Variants in AK8 observed in about 807,000 individuals in gnomAD.
AK8 encodes ATP-AMP transphosphorylase 8.
AK8 carries 44 observed loss-of-function variants against 54.6 expected under a neutral mutation model. The ratio of observed to expected loss-of-function variants is 0.81; its 90% CI spans 0.63 to 1.04. AK8 has a LOEUF of 1.04. Ranked by LOEUF, AK8 falls within the 50% of genes least tolerant of loss-of-function variation. AK8 has a pLI of 0.00. For missense variants in AK8, 555 were observed against 613.6 expected (o/e 0.90, Z 1.01); for synonymous variants, 239 against 245.6 (o/e 0.97, Z 0.25).
intron 10 of AK8, among the ~76,000 whole-genome samples, chr9:132,802,151 G>A (rs1240032321): frequency 6.6e-6 from 1 of 152,250 alleles, no homozygotes; most frequent in African/African-American, 2.4e-5. Flanking sequence ...GGCACCCGAT[G>A]TCGCCTGGGG....
intron 5 of AK8, among the ~76,000 whole-genome samples, chr9:132,850,115 G>T (rs1264188673): frequency 7.0e-6 from 1 of 143,366 alleles, no homozygotes; most frequent in African/African-American, 2.6e-5. Flanking sequence ...GTGCAGTGGC[G>T]TGATGTCGGC....
At position 132,800,000 on chromosome 9, in the gene AK8, G is replaced by A. The variant is rs936163651; in HGVS notation, c.980-7225C>T. On this transcript the variant is annotated intron_variant, in intron 10 of 12. Transcript: ENST00000298545. This position sits in a 1 kb window ranked among gnomAD's most constrained non-coding sequence, Gnocchi z 5.0. ...AACAGGACTGTGGAGGAGGAAAAGG[G>A]GTTGCTTTTGGTTTTGTTTTTTAAT... Among the ~76,000 whole-genome samples the A allele has an allele frequency of 2.0e-5, 3 of 152,194 alleles. No individual in the cohort carries two copies. Among genetic ancestry groups the A allele is most frequent in the Admixed American group, 1.3e-4 (2 of 15,288 alleles).
chr9:132,752,462 G>A (rs1837979831), intron 11 of AK8, among the ~76,000 whole-genome samples: 1 of 151,996 alleles, frequency 6.6e-6, no homozygotes, highest in Admixed American at 6.6e-5. Context: ...TGTTAGCCAG[G>A]ATGGTCTCGA....
intron 11 of AK8, among the ~76,000 whole-genome samples, chr9:132,750,048 T>C (rs1382004441): frequency 6.6e-6 from 1 of 152,002 alleles, no homozygotes; most frequent in Non-Finnish European, 1.5e-5. Context: ...CTGCCATGTG[T>C]ACGCATCTTG....
chr9:132,762,998 G>C (rs1177372375), intron 11 of AK8, among the ~76,000 whole-genome samples: 1 of 152,218 alleles, frequency 6.6e-6, no homozygotes, highest in Non-Finnish European at 1.5e-5. Flanking sequence ...GTAGAAAAGA[G>C]GATTCCAGCA....
intron 11 of AK8, among the ~76,000 whole-genome samples, chr9:132,763,251 G>T (rs930921023): frequency 2.6e-5 from 4 of 152,196 alleles, no homozygotes; most frequent in Admixed American, 1.3e-4. Context: ...ATCATATCAA[G>T]TACCTTTTGT....
At chr9:132,796,479 A>G (rs1266759949) in intron 10 of AK8, among the ~76,000 whole-genome samples, 1 of 152,234 alleles carries the variant, frequency 6.6e-6, no homozygotes, top group Non-Finnish European at 1.5e-5. Context: ...AGATGTGTAT[A>G]CAAAGATGTC....
chr9:132,868,588 G>C (rs1843689371), intron 2 of AK8, among the ~76,000 whole-genome samples: 1 of 152,156 alleles, frequency 6.6e-6, no homozygotes, highest in East Asian at 1.9e-4. Context: ...GGCTGCCACA[G>C]TCTTCCACGT....
chr9:132,850,694 G>A (rs565882082), intron 5 of AK8, among the ~76,000 whole-genome samples: 10 of 151,808 alleles, frequency 6.6e-5, no homozygotes, highest in Non-Finnish European at 1.0e-4. Flanking sequence ...CACCACGCCC[G>A]GCCAATTTTT....
At chr9:132,818,912 C>T (rs1310377106) in intron 9 of AK8, among the ~76,000 whole-genome samples, 1 of 151,056 alleles carries the variant, frequency 6.6e-6, no homozygotes, top group East Asian at 1.9e-4. Context: ...GACTATAAGA[C>T]ACAGATAGTT....
chr9:132,762,505 A>G (rs760888150), intron 11 of AK8, among the ~76,000 whole-genome samples: 1 of 152,218 alleles, frequency 6.6e-6, no homozygotes, highest in Non-Finnish European at 1.5e-5. Context: ...TCTCCCTTCC[A>G]CAAAGACGGC....
chr9:132,802,199 C>T (rs1357036673), intron 10 of AK8, among the ~76,000 whole-genome samples: 3 of 152,226 alleles, frequency 2.0e-5, no homozygotes, highest in African/African-American at 7.2e-5. Context: ...GTGGCTGCCT[C>T]CCAGGCACGT....
At chr9:132,840,394 C>T (rs1488246042) in intron 5 of AK8, among the ~76,000 whole-genome samples, 1 of 137,350 alleles carries the variant, frequency 7.3e-6, no homozygotes, top group Non-Finnish European at 1.5e-5. Context: ...GGACTCAATC[C>T]CAAGTGGACA....
Position 132,790,439 on chromosome 9 carries a change from G to C in AK8, c.1121+2195C>G, listed in dbSNP as rs150813352. Among the ~76,000 whole-genome samples the C allele has an allele frequency of 0.044, 6,667 of 152,140 alleles. 456 individuals are homozygous for C. The highest frequency in any genetic ancestry group is 0.15 in the African/African-American group (6,196 of 41,450). On this transcript the variant is annotated intron_variant, in intron 11 of 12. Coordinates refer to ENST00000298545, the MANE Select transcript of AK8 (RefSeq NM_152572.3). This position sits in a 1 kb window ranked among gnomAD's most constrained non-coding sequence, Gnocchi z 4.1. ...CTAATTTTTTGTATTTTTTAGTAGA[G>C]ACGGGTTTCACCATGTTAGCCAGGA...
intron 11 of AK8, among the ~76,000 whole-genome samples, chr9:132,751,997 CCTGA>C (rs1396064417): frequency 1.3e-5 from 2 of 151,722 alleles, no homozygotes; most frequent in South Asian, 2.1e-4. Flanking sequence ...CAGCACCACA[CCTGA>C]CTAATTTTTT....
At chr9:132,733,036 G>A (rs922759964) in intron 11 of AK8, among the ~76,000 whole-genome samples, 4 of 152,028 alleles carry the variant, frequency 2.6e-5, no homozygotes, top group African/African-American at 7.3e-5. Context: ...CTGCCCAGTC[G>A]CCAGGAAGCT....
At chr9:132,760,234 A>C (rs1029986328) in intron 11 of AK8, among the ~76,000 whole-genome samples, 3 of 151,464 alleles carry the variant, frequency 2.0e-5, no homozygotes, top group African/African-American at 7.3e-5. Context: ...CCCAGGCTGC[A>C]GTGCAGTGGA....
At chr9:132,847,120 A>G (rs1481476604) in intron 5 of AK8, among the ~76,000 whole-genome samples, 1 of 152,228 alleles carries the variant, frequency 6.6e-6, no homozygotes, top group Non-Finnish European at 1.5e-5. Context: ...CAGCTGGTTG[A>G]AGCAAACACT....
At chr9:132,792,351 C>CATTGTT (rs1839978422) in intron 11 of AK8, among the ~76,000 whole-genome samples, 1 of 152,184 alleles carries the variant, frequency 6.6e-6, no homozygotes, top group South Asian at 2.1e-4. Context: ...TAGAAGAAAA[C>CATTGTT]ATCCATTGAT....
Sources: allele counts gnomAD v4.1 joint callset (sites outside exome capture counted in the v4.1 genomes callset), GRCh38; gene constraint gnomAD v4.1.1; non-coding constraint Gnocchi (gnomAD v3.1); transcripts MANE v1.5; gene names NCBI Gene and HGNC (gene_info 2026-07-23, HGNC 2026-07-21).